Variants in NBAS observed in about 807,000 individuals in gnomAD.
NBAS encodes NBAS subunit of NRZ tethering complex, also known as NAG/BC035112 fusion.
A neutral mutation model predicts 302.5 loss-of-function variants in NBAS; 219 were observed. The ratio of observed to expected loss-of-function variants is 0.72; its 90% CI spans 0.65 to 0.81. The LOEUF (loss-of-function observed/expected upper bound fraction) is 0.81, where lower values mean the gene tolerates loss of function less well. Ranked by LOEUF, NBAS falls within the 30% of genes least tolerant of loss-of-function variation. NBAS has a pLI of 0.00. For missense variants in NBAS, 2,932 were observed against 2,841.6 expected (o/e 1.03, Z -0.72); for synonymous variants, 1,118 against 1,021.6 (o/e 1.09, Z -1.80).
the NBAS span, among the ~76,000 whole-genome samples, chr2:15,027,396 G>A: frequency 2.6e-5 from 4 of 151,656 alleles, no homozygotes; most frequent in African/African-American, 9.7e-5. Flanking sequence ...ATCTGTCACT[G>A]TGTATACTTT....
rs758091752 is a variant in NBAS, at chr2:15,309,152, T to C, written c.4659+19A>G. 25 of 1,600,650 alleles carry C rather than the reference T, an allele frequency of 1.6e-5. No homozygotes were observed. Among genetic ancestry groups the C allele is most frequent in the Middle Eastern group, 1.7e-4 (1 of 6,030 alleles). On this transcript the variant is annotated intron_variant, in intron 39 of 51. Coordinates refer to ENST00000281513, the MANE Select transcript of NBAS (RefSeq NM_015909.4). ...CCATTTAGTCATTTTAAATTCTTCA[T>C]TGGTAAGGGCAAACTTACTTGTGGT...
the NBAS span, among the ~76,000 whole-genome samples, chr2:14,848,225 C>T: frequency 6.7e-6 from 1 of 149,774 alleles, no homozygotes; most frequent in South Asian, 2.1e-4. Flanking sequence ...GTGCGCGCAC[C>T]ATGCGAGAGC....
chr2:15,142,519 C>A, the NBAS span, among the ~76,000 whole-genome samples: 2 of 152,242 alleles, frequency 1.3e-5, no homozygotes, highest in Non-Finnish European at 2.9e-5. Flanking sequence ...GGCTGACAGG[C>A]AAATATTTGA....
chr2:15,434,872 G>A (rs1298825838), intron 21 of NBAS, among the ~76,000 whole-genome samples: 1 of 152,140 alleles, frequency 6.6e-6, no homozygotes, highest in Non-Finnish European at 1.5e-5. Context: ...ATCTACAACT[G>A]CCAAATGGGA....
At chr2:15,521,011 A>G (rs746048410) in intron 9 of NBAS, among the ~76,000 whole-genome samples, 23 of 152,266 alleles carry the variant, frequency 1.5e-4, no homozygotes, top group Non-Finnish European at 2.6e-4. Context: ...AGCTCTATAA[A>G]GTTAATTTCA....
At chr2:15,243,882 G>T (rs1351034387) in intron 44 of NBAS, among the ~76,000 whole-genome samples, 1 of 152,082 alleles carries the variant, frequency 6.6e-6, no homozygotes, top group African/African-American at 2.4e-5. Context: ...GAGATAAGAC[G>T]GAGAAATCCT....
the NBAS span, among the ~76,000 whole-genome samples, chr2:14,851,177 T>C: frequency 0.053 from 6,568 of 122,774 alleles, 1,894 homozygotes; most frequent in African/African-American, 0.28. Context: ...ATTGATAGAC[T>C]GCTAGCAAGA....
At position 15,533,997 on chromosome 2, in the gene NBAS, A is replaced by G. The variant is rs561147250; in HGVS notation, c.746+546T>C. On this transcript the variant is annotated intron_variant, in intron 9 of 51. Transcript: ENST00000281513. The stretch of plus-strand genomic sequence containing the variant: ...TAAAACGTATATGGCTTCTGTTCTC[A>G]AATAACAAAATTAAAGGGGAGAAAT... Among the ~76,000 whole-genome samples, 52 of 152,288 alleles carry G rather than the reference A, an allele frequency of 3.4e-4. No individual in the cohort carries two copies. In the South Asian group the frequency reaches 4.4e-3, roughly 13 times the overall value.
the NBAS span, among the ~76,000 whole-genome samples, chr2:14,844,114 G>A: frequency 6.6e-6 from 1 of 152,086 alleles, no homozygotes; most frequent in African/African-American, 2.4e-5. Context: ...CAACCCCAGG[G>A]AGCACAGCTT....
rs377174684 is a variant in NBAS at position 15,461,260 on chromosome 2, C to T, written c.2280G>A (p.Leu760=). The change falls in exon 21 of 52, where the codon CTG becomes CTA. Residue 760 remains leucine (L), a synonymous_variant. Transcript: ENST00000281513. ...SDLLPHRLAI[L]SNFPETTSPH... ...GAGAAGTGGTCTCTGGAAAGTTGGA[C>T]AGAATTGCAAGGCGATGAGGAAGCA... 6.2e-7 allele frequency: 1 copy of T among 1,613,664 alleles called. No individual in the cohort carries two copies. Among genetic ancestry groups the T allele is most frequent in the Non-Finnish European group, 8.5e-7 (1 of 1,179,752 alleles).
intron 35 of NBAS, among the ~76,000 whole-genome samples, chr2:15,331,183 C>G (rs572488911): frequency 6.6e-6 from 1 of 152,120 alleles, no homozygotes; most frequent in South Asian, 2.1e-4. Flanking sequence ...CACTGTGACC[C>G]AGAAAGAAGT....
the NBAS span, among the ~76,000 whole-genome samples, chr2:15,108,758 C>A: frequency 1.3e-5 from 2 of 152,010 alleles, no homozygotes; most frequent in African/African-American, 4.8e-5. Flanking sequence ...AAAAGGCAAC[C>A]AATTAATAAT....
the NBAS span, among the ~76,000 whole-genome samples, chr2:14,848,349 C>T: frequency 6.4e-5 from 9 of 141,422 alleles, no homozygotes; most frequent in Admixed American, 6.7e-5. Flanking sequence ...CACTCCCACC[C>T]GAATATTGCG....
the NBAS span, among the ~76,000 whole-genome samples, chr2:14,936,745 A>G: frequency 1.3e-5 from 2 of 152,202 alleles, no homozygotes; most frequent in Non-Finnish European, 2.9e-5. Flanking sequence ...GGAAAGACAC[A>G]GGAAAACAGT....
Position 15,275,626 on chromosome 2 carries a change from T to A in NBAS, c.5582A>T (p.His1861Leu). The change falls in exon 44 of 52, where the codon CAT becomes CTT. Residue 1861 changes from histidine to leucine, a missense_variant. Coordinates refer to ENST00000281513, the MANE Select transcript of NBAS (RefSeq NM_015909.4). ...AGAGCCTGGGACTTGTTTAATGAGA[T>A]GAGGGTCTCCAGTCCAGAACAACTT... ...LQKLFWTGDPHLIKQVPGSSP... is the reference protein window; with the variant it reads ...LQKLFWTGDPLLIKQVPGSSP... The A allele has an allele frequency of 1.2e-6, 2 of 1,614,182 alleles. No individual in the cohort carries two copies. Among genetic ancestry groups the A allele is most frequent in the Admixed American group, 3.3e-5 (2 of 60,026 alleles).
At position 15,467,690 on chromosome 2, in the gene NBAS, T is replaced by C; in HGVS notation, c.1992A>G (p.Glu664=). 1 of 1,612,580 alleles carries C rather than the reference T, an allele frequency of 6.2e-7. No homozygotes were observed. The highest frequency in any genetic ancestry group is 8.5e-7 in the Non-Finnish European group (1 of 1,179,072). Reference sequence around the variant, plus strand: ...TGGAAAAGTTCACTAATTTCAGTAGTTCTTGTCTCTTCTTGAGCTCCTTTT... The same window carrying C: ...TGGAAAAGTTCACTAATTTCAGTAGCTCTTGTCTCTTCTTGAGCTCCTTTT... The part of the protein sequence containing the change: ...KKEKELKKRQ[E]LLKLVNFSKL... Residue 664 remains glutamate, a synonymous_variant, in exon 18 of 52, where the codon GAA becomes GAG. Transcript: ENST00000281513.
chr2:15,278,220 A>G (rs1669673046), intron 42 of NBAS, among the ~76,000 whole-genome samples: 1 of 152,220 alleles, frequency 6.6e-6, no homozygotes, highest in South Asian at 2.1e-4. Flanking sequence ...AGGGTAATCT[A>G]CAAAGTCAAA....
At chr2:15,119,001 A>T in the NBAS span, among the ~76,000 whole-genome samples, 4 of 152,226 alleles carry the variant, frequency 2.6e-5, no homozygotes, top group African/African-American at 9.6e-5. Flanking sequence ...AGGGGTCCAG[A>T]ATAACAAACA....
chr2:15,158,035 CG>C, the NBAS span, among the ~76,000 whole-genome samples: 2 of 152,102 alleles, frequency 1.3e-5, no homozygotes, highest in Admixed American at 1.3e-4. Context: ...CCAAGGGAAC[CG>C]GGGGGACTCT....
Sources: allele counts gnomAD v4.1 joint callset (sites outside exome capture counted in the v4.1 genomes callset), GRCh38; gene constraint gnomAD v4.1.1; transcripts MANE v1.5; gene names NCBI Gene and HGNC (gene_info 2026-07-23, HGNC 2026-07-21).